ADAP1: variants seen among roughly 807,000 people sequenced by gnomAD.
The protein encoded by ADAP1 is arf-GAP with dual PH domain-containing protein 1.
A neutral mutation model predicts 54.9 loss-of-function variants in ADAP1; 31 were observed. The ratio of observed to expected loss-of-function variants is 0.56; its 90% CI spans 0.42 to 0.76. The LOEUF (loss-of-function observed/expected upper bound fraction) is 0.76, where lower values mean the gene tolerates loss of function less well. Ranked by LOEUF, ADAP1 falls within the 30% of genes least tolerant of loss-of-function variation. The pLI is 0.00. For synonymous variants in ADAP1, 313 were observed against 202.6 expected (o/e 1.55, Z -4.63); for missense variants, 535 against 512.4 (o/e 1.04, Z -0.42).
intron 1 of ADAP1, among the ~76,000 whole-genome samples, chr7:948,475 G>A (rs545113033): frequency 2.0e-4 from 30 of 152,118 alleles, no homozygotes; most frequent in East Asian, 1.9e-4. Context: ...ATGCCAGGCC[G>A]AGCTCCCACT....
intron 1 of ADAP1, among the ~76,000 whole-genome samples, chr7:951,978 T>C (rs1034799123): frequency 6.6e-6 from 1 of 152,140 alleles, no homozygotes; most frequent in Non-Finnish European, 1.5e-5. Flanking sequence ...CTGTCCTCTG[T>C]TGCGATTTGG....
In ADAP1 at chr7:920,027, C is replaced by G; in HGVS notation, c.329G>C (p.Arg110Pro). Reference sequence around the variant, plus strand: ...GAACTCCTGTCGCTCGTACTTGGCCCGGATCCACTGCTCTCGAAGGAGCCT... The same window carrying G: ...GAACTCCTGTCGCTCGTACTTGGCCGGGATCCACTGCTCTCGAAGGAGCCT... ...DCQLLREQWIRAKYERQEFIY... is the reference protein window; with the variant it reads ...DCQLLREQWIPAKYERQEFIY... Residue 110 changes from arginine to proline, a missense_variant, in exon 4 of 11, where the codon CGG becomes CCG. Coordinates refer to ENST00000265846, the MANE Select transcript of ADAP1 (RefSeq NM_006869.4). The surrounding 1 kb of genome is among the most constrained non-coding windows in gnomAD (Gnocchi z 4.5). 6.2e-7 allele frequency: 1 copy of G among 1,607,490 alleles called. No homozygotes were observed. Among genetic ancestry groups the G allele is most frequent in the Non-Finnish European group, 8.5e-7 (1 of 1,179,514 alleles).
upstream of ADAP1, among the ~76,000 whole-genome samples, chr7:954,971 G>A (rs1847351700): frequency 6.6e-6 from 1 of 152,172 alleles, no homozygotes; most frequent in African/African-American, 2.4e-5. Context: ...GGGCGCAGAG[G>A]GCACCTGCCG....
intron 3 of ADAP1, chr7:923,243 A>G (rs1846253433): frequency 2.6e-5 from 4 of 152,040 alleles, no homozygotes; most frequent in Admixed American, 2.6e-4. Context: ...AGCCCTGTCC[A>G]GCCCGGACAC....
intron 4 of ADAP1, among the ~76,000 whole-genome samples, chr7:915,695 G>A (rs1160825680): frequency 2.7e-5 from 4 of 150,030 alleles, no homozygotes; most frequent in Non-Finnish European, 1.5e-5. Context: ...GGCAGGAACA[G>A]GATTCCAGTT....
chr7:942,343 AGG>A (rs1213584557), intron 1 of ADAP1, among the ~76,000 whole-genome samples: 19 of 134,932 alleles, frequency 1.4e-4, no homozygotes, highest in African/African-American at 2.3e-4. Flanking sequence ...AGGAGGAGGA[AGG>A]GAGAGAGGAA....
chr7:919,211 GCA>G (rs1342698152), intron 4 of ADAP1, among the ~76,000 whole-genome samples: 1 of 152,234 alleles, frequency 6.6e-6, no homozygotes, highest in Non-Finnish European at 1.5e-5. Context: ...CCCACCTGCA[GCA>G]CAGTGTTGCC....
chr7:926,756 G>C lies in ADAP1; in HGVS notation c.214-112C>G. 2 of 881,790 alleles carry C rather than the reference G, an allele frequency of 2.3e-6. No homozygotes were observed. The highest frequency in any genetic ancestry group is 3.3e-6 in the Non-Finnish European group (2 of 601,358). 54.6% of individuals were successfully genotyped at this position (881,790 alleles called of 1,614,324 possible). A position where few individuals can be genotyped will look rare whatever the true frequency, so the allele number is the denominator to read the frequency against. ...GTGACCCGCAGACCCAAGGCTCTGA[G>C]GGCTCCACCAGCACCAGGACGGGAA... is the stretch of plus-strand genomic sequence containing the variant. On this transcript the variant is annotated intron_variant, in intron 2 of 10. Transcript: ENST00000265846. The surrounding 1 kb of genome is among the most constrained non-coding windows in gnomAD (Gnocchi z 4.6).
chr7:901,385 T>C (rs1054230443), intron 6 of ADAP1: 2 of 203,570 alleles, frequency 9.8e-6, no homozygotes, highest in Non-Finnish European at 2.0e-5. Context: ...AAGGTGCCCA[T>C]CTTTACTCTT....
At chr7:903,564 C>T (rs113242628) in intron 6 of ADAP1, among the ~76,000 whole-genome samples, 244 of 152,262 alleles carry the variant, frequency 1.6e-3, no homozygotes, top group Non-Finnish European at 2.7e-3. Context: ...CCCACCGCTG[C>T]GCCCCCTGCA....
chr7:899,747 C>T (rs573810546), intron 8 of ADAP1, among the ~76,000 whole-genome samples: 5 of 152,220 alleles, frequency 3.3e-5, no homozygotes, highest in African/African-American at 4.8e-5. Context: ...GCCTCACTTA[C>T]GAGCCCTCAC....
At chr7:902,887 A>G (rs1198432216) in intron 6 of ADAP1, among the ~76,000 whole-genome samples, 1 of 152,226 alleles carries the variant, frequency 6.6e-6, no homozygotes, top group African/African-American at 2.4e-5. Context: ...AGGAAAATTA[A>G]TTCCAACCTA....
intron 4 of ADAP1, among the ~76,000 whole-genome samples, chr7:913,250 G>GAGT (rs1845797553): frequency 7.1e-6 from 1 of 140,090 alleles, no homozygotes; most frequent in African/African-American, 2.7e-5. Context: ...GCCCAGGCTG[G>GAGT]AGTTTAGTGG....
Position 935,435 on chromosome 7 carries a change from G to C in ADAP1, c.153C>G (p.Ile51Met). 1 of 1,560,768 alleles carries C rather than the reference G, an allele frequency of 6.4e-7. No individual in the cohort carries two copies. ...CGGACTTCACCTTGCTGACCTGGGG[G>C]ATATTCCGGTGGATTCCCGAGCAGC... is the stretch of plus-strand genomic sequence containing the variant. ...CLSCSGIHRN[I>M]PQVSKVKSVR... is the part of the protein sequence containing the mutation. Residue 51 changes from isoleucine to methionine, a missense_variant, in exon 2 of 11, where the codon ATC (isoleucine) becomes ATG (methionine). Transcript: ENST00000265846.
intron 1 of ADAP1, among the ~76,000 whole-genome samples, chr7:948,056 G>A (rs980114354): frequency 6.6e-5 from 10 of 151,626 alleles, no homozygotes; most frequent in African/African-American, 1.7e-4. Flanking sequence ...AGCACTGCCA[G>A]GGACCTGCTC....
chr7:905,873 G>A lies in ADAP1; in HGVS notation c.389-701C>T, dbSNP rs373836438. On this transcript the variant is annotated intron_variant, in intron 4 of 10. Transcript: ENST00000265846. ...AGAAGGGAGAAGGGAGAAGGGAGAAGGGAGAAAGGAGAAAGGAGAAAGGAG... is the reference window on the plus strand; with the variant it reads ...AGAAGGGAGAAGGGAGAAGGGAGAAAGGAGAAAGGAGAAAGGAGAAAGGAG... 5.0e-3 allele frequency among the ~76,000 whole-genome samples: 179 copies of A among 35,446 alleles called. 1 individual carries two copies. Among genetic ancestry groups the A allele is most frequent in the Non-Finnish European group, 6.6e-3 (101 of 15,218 alleles). 23.3% of individuals were successfully genotyped at this position (35,446 alleles called of 152,430 possible).
Position 904,132 on chromosome 7 carries a change from G to T in ADAP1, c.642C>A (p.Asp214Glu). ...STRNIFIYHE[D>E]GKEIVDWFNA... ...AGTGCTCGCCAGCACCCACCTTCCC[G>T]TCCTCATGGTAGATGAAGATGTTAC... The change falls in exon 6 of 11, where the codon GAC (aspartate) becomes GAA (glutamate). Residue 214 changes from aspartate (D) to glutamate (E), a missense_variant. Transcript: ENST00000265846. 6.2e-7 allele frequency: 1 copy of T among 1,612,362 alleles called. No homozygotes were observed. The highest frequency in any genetic ancestry group is 8.5e-7 in the Non-Finnish European group (1 of 1,179,796).
intron 6 of ADAP1, 45 bp from the exon 7 acceptor site, chr7:900,661 C>CGCTGGTGTCCCCACAGAGGG: frequency 1.4e-6 from 2 of 1,443,280 alleles, no homozygotes; most frequent in East Asian, 2.4e-5. Context: ...GAGGCTGCAG[C>CGCTGGTGTCCCCACAGAGGG]GCTGGGGTCC....
rs1845228507 is a variant in ADAP1, at chr7:905,798, GA to G, written c.389-627del. Among the ~76,000 whole-genome samples, 11 of 71,204 alleles carry G rather than the reference GA, an allele frequency of 1.5e-4. 1 individual carries two copies. The highest frequency in any genetic ancestry group is 2.1e-4 in the African/African-American group (5 of 23,906). The allele number at this position is 71,204 out of a possible 152,430, so 46.7% of individuals were successfully genotyped here. On this transcript the variant is annotated intron_variant, in intron 4 of 10. Transcript: ENST00000265846. ...AAAGGAGAAAGGAGAAAGGAGAAAG[GA>G]GAAAGGAGAAAGGAGAAGGGAGAAG... is the stretch of plus-strand genomic sequence containing the variant.
Sources: allele counts gnomAD v4.1 joint callset (sites outside exome capture counted in the v4.1 genomes callset), GRCh38; gene constraint gnomAD v4.1.1; non-coding constraint Gnocchi (gnomAD v3.1); transcripts MANE v1.5; gene names NCBI Gene and HGNC (gene_info 2026-07-23, HGNC 2026-07-21).